Variants in ACTN4 observed in about 807,000 individuals in gnomAD.
The protein encoded by ACTN4 is actinin alpha 4, also known as alpha-actinin-4.
A neutral mutation model predicts 114.2 loss-of-function variants in ACTN4; 18 were observed. The observed-to-expected ratio is 0.16, with a 90% CI of 0.11 to 0.23. The LOEUF (loss-of-function observed/expected upper bound fraction) is 0.23. ACTN4 is among the 10% of genes least tolerant of loss of function. The probability of loss-of-function intolerance (pLI) is 1.00; values close to 1 mark genes in which losing one functional copy is unlikely to be tolerated. For missense variants in ACTN4, 722 were observed against 1,262.9 expected (o/e 0.57, Z 6.49); for synonymous variants, 515 against 506.3 (o/e 1.02, Z -0.23).
At chr19:38,681,923 T>C (rs1468450026) in intron 1 of ACTN4, among the ~76,000 whole-genome samples, 1 of 152,186 alleles carries the variant, frequency 6.6e-6, no homozygotes, top group Non-Finnish European at 1.5e-5. Context: ...CTCCGCCTCC[T>C]GGGTTCAAGG....
chr19:38,714,498 G>A lies in ACTN4; in HGVS notation c.849G>A (p.Lys283=), dbSNP rs771374566. ...KAETAANRIC[K]VLAVNQENEH... ...AAACTGCCGCCAACCGGATCTGTAA[G>A]GTGCTGGCTGTCAACCAAGAGAACG... The change falls in exon 9 of 21, where the codon AAG becomes AAA. Residue 283 remains lysine (K), a synonymous_variant. Transcript: ENST00000252699. The A allele has an allele frequency of 5.6e-6, 9 of 1,613,768 alleles. No homozygotes were observed. Among genetic ancestry groups the A allele is most frequent in the Admixed American group, 3.3e-5 (2 of 60,014 alleles).
At position 38,728,044 on chromosome 19, in the gene ACTN4, C is replaced by T; in HGVS notation, c.2418+18C>T. The T allele has an allele frequency of 6.3e-7, 1 of 1,599,298 alleles. No individual in the cohort carries two copies. Among genetic ancestry groups the T allele is most frequent in the Non-Finnish European group, 8.5e-7 (1 of 1,173,434 alleles). ...ACCGGCAGGTACTGCACCCTGGGCC[C>T]CAGCGGACCATGGCATTAACTGCTC... On this transcript the variant is annotated intron_variant, in intron 19 of 20. Coordinates refer to ENST00000252699, the MANE Select transcript of ACTN4 (RefSeq NM_004924.6).
At chr19:38,648,111 T>C (rs1976443674) in intron 1 of ACTN4, 1 of 551,990 alleles carries the variant, frequency 1.8e-6, no homozygotes, top group Non-Finnish European at 2.9e-6. Flanking sequence ...GAAAAGAGAA[T>C]TGGCGGCTGG....
At chr19:38,704,014 C>T (rs1968371397) in intron 3 of ACTN4, among the ~76,000 whole-genome samples, 1 of 152,202 alleles carries the variant, frequency 6.6e-6, no homozygotes, top group Non-Finnish European at 1.5e-5. Flanking sequence ...GCCTTCAGGG[C>T]AAGCCCTTTC....
At chr19:38,692,921 C>T in intron 1 of ACTN4, among the ~76,000 whole-genome samples, 1 of 152,138 alleles carries the variant, frequency 6.6e-6, no homozygotes, top group East Asian at 1.9e-4. Context: ...GAGCGACAAA[C>T]CCTACACGGT....
Position 38,647,802 on chromosome 19 carries a change from C to T in ACTN4, c.57C>T (p.Gly19=). The T allele has an allele frequency of 1.9e-6, 3 of 1,554,288 alleles. No homozygotes were observed. In the South Asian group the frequency reaches 3.6e-5, roughly 18 times the overall value. Residue 19 remains glycine, a synonymous_variant, in exon 1 of 21, where the codon GGC becomes GGT. Transcript: ENST00000252699. ...QSYQYGPSSA[G]NGAGGGGSMG... is the part of the protein sequence containing the mutation. ...ACCAGTACGGCCCCAGCAGCGCGGG[C>T]AATGGCGCTGGCGGCGGGGGCAGCA...
At chr19:38,709,531 C>A in intron 7 of ACTN4, 55 bp downstream of exon 7, 1 of 1,508,322 alleles carries the variant, frequency 6.6e-7, no homozygotes. Flanking sequence ...CCTTTTCTGT[C>A]CAGGGCTGGC....
chr19:38,700,509 C>T, intron 1 of ACTN4, 91 bp from the exon 2 acceptor site: 2 of 1,066,570 alleles, frequency 1.9e-6, no homozygotes, highest in Non-Finnish European at 2.9e-6. Context: ...TGCGGTTCTC[C>T]TGAGGTCAGA....
Position 38,729,455 on chromosome 19 carries a change from A to G in ACTN4, c.*23A>G, listed in dbSNP as rs779575418. The stretch of plus-strand genomic sequence containing the variant: ...TGAGGCCCCAGAGACCTGACCCAAC[A>G]CCCCCGACGGCCTCCAGGAGGGGCC... On this transcript the variant is annotated 3_prime_UTR_variant, in exon 21 of 21. Coordinates refer to ENST00000252699, the MANE Select transcript of ACTN4 (RefSeq NM_004924.6). 1 of 1,597,582 alleles carries G rather than the reference A, an allele frequency of 6.3e-7. No homozygotes were observed. The highest frequency in any genetic ancestry group is 1.4e-5 in the African/African-American group (1 of 72,430).
intron 1 of ACTN4, among the ~76,000 whole-genome samples, chr19:38,691,422 AAC>A (rs1568709172): frequency 2.0e-5 from 3 of 151,200 alleles, no homozygotes; most frequent in African/African-American, 2.4e-5. Flanking sequence ...AAACAAAAAA[AAC>A]AAAAAAAAAA....
At chr19:38,657,716 G>T (rs961109835) in intron 1 of ACTN4, among the ~76,000 whole-genome samples, 34 of 152,254 alleles carry the variant, frequency 2.2e-4, no homozygotes, top group African/African-American at 7.9e-4. Context: ...AGGCATCTTG[G>T]AAGGAAGCTC....
intron 1 of ACTN4, among the ~76,000 whole-genome samples, chr19:38,675,408 T>C (rs1967341875): frequency 6.6e-6 from 1 of 151,148 alleles, no homozygotes; most frequent in African/African-American, 2.5e-5. Flanking sequence ...TATTTTTTGA[T>C]TTTTTTTGTA....
intron 8 of ACTN4, among the ~76,000 whole-genome samples, chr19:38,713,540 G>A (rs1968734347): frequency 1.3e-5 from 2 of 152,138 alleles, no homozygotes; most frequent in Non-Finnish European, 2.9e-5. Flanking sequence ...CCGCAGCATG[G>A]CGCGGGGTGT....
At chr19:38,725,331 C>G (rs1969195799) in intron 16 of ACTN4, among the ~76,000 whole-genome samples, 1 of 152,180 alleles carries the variant, frequency 6.6e-6, no homozygotes, top group Admixed American at 6.5e-5. Context: ...TGCCCGAGGT[C>G]AGGAGCTGCA....
chr19:38,719,983 T>G (rs1968981310), intron 11 of ACTN4, among the ~76,000 whole-genome samples: 1 of 152,206 alleles, frequency 6.6e-6, no homozygotes, highest in Non-Finnish European at 1.5e-5. Flanking sequence ...TGACTGGGCA[T>G]CCACGCGGGT....
At chr19:38,728,944 G>A (rs571863776) in intron 19 of ACTN4, 52 bp from the exon 20 acceptor site, 4 of 1,603,630 alleles carry the variant, frequency 2.5e-6, no homozygotes, top group Middle Eastern at 4.3e-4. Context: ...GGGCCTGGCT[G>A]CCCCTGCCCC....
intron 1 of ACTN4, among the ~76,000 whole-genome samples, chr19:38,697,268 G>A (rs946264187): frequency 5.3e-5 from 8 of 152,180 alleles, no homozygotes; most frequent in African/African-American, 1.9e-4. Context: ...TCCGCAGAGG[G>A]TCTCCTGCCA....
intron 1 of ACTN4, among the ~76,000 whole-genome samples, chr19:38,688,868 G>A (rs140866744): frequency 6.6e-6 from 1 of 152,158 alleles, no homozygotes; most frequent in Non-Finnish European, 1.5e-5. Context: ...GTGTAATGTG[G>A]TGCAGCTTCT....
chr19:38,690,906 G>A (rs1251788429), intron 1 of ACTN4, among the ~76,000 whole-genome samples: 2 of 152,320 alleles, frequency 1.3e-5, no homozygotes, highest in East Asian at 1.9e-4. Context: ...ATGAAAGAGA[G>A]GGAGAGAAAG....
Sources: gnomAD v4.1 joint callset for allele counts (sites outside exome capture counted in the v4.1 genomes callset) on GRCh38, gnomAD v4.1.1 for gene constraint, MANE v1.5 for transcripts, NCBI Gene and HGNC (gene_info 2026-07-23, HGNC 2026-07-21) for gene names.